Variants in TENM2 observed in about 807,000 individuals in gnomAD.
The protein encoded by TENM2 is teneurin transmembrane protein 2, also known as teneurin-2.
TENM2 carries 52 observed loss-of-function variants against 245.2 expected under a neutral mutation model. The ratio of observed to expected loss-of-function variants is 0.21; its 90% confidence interval spans 0.17 to 0.27. The LOEUF is 0.27. TENM2 is among the 10% of genes least tolerant of loss of function. The probability of loss-of-function intolerance (pLI) is 1.00; values close to 1 mark genes in which losing one functional copy is unlikely to be tolerated. For synonymous variants in TENM2, 1,363 were observed against 1,438.9 expected (o/e 0.95, Z 1.19); for missense variants, 3,046 against 3,666.8 (o/e 0.83, Z 4.37).
At chr5:167,582,784 A>G (rs1222941229) in intron 2 of TENM2, among the ~76,000 whole-genome samples, 1 of 152,172 alleles carries the variant, frequency 6.6e-6, no homozygotes, top group Non-Finnish European at 1.5e-5. Flanking sequence ...TGTTACCAGA[A>G]CAAAAAGGTA....
chr5:167,443,038 T>C (rs1224259521), intron 2 of TENM2, among the ~76,000 whole-genome samples: 1 of 152,208 alleles, frequency 6.6e-6, no homozygotes, highest in Non-Finnish European at 1.5e-5. Context: ...TACAGAAGTT[T>C]GCCAATGCAC....
intron 25 of TENM2, among the ~76,000 whole-genome samples, chr5:168,228,992 CAT>C (rs1278800435): frequency 1.4e-5 from 2 of 146,140 alleles, no homozygotes; most frequent in Admixed American, 6.9e-5. Context: ...ACATAATATA[CAT>C]ATATAATACA....
In TENM2 at chr5:167,878,858, A is replaced by G. The variant is rs73370996; in HGVS notation, c.712+2663A>G. ...GTTGTGTTTAGTTGGTTAATTACAC[A>G]GAATTTTTTAAATTTGTCTCTTGGC... is the stretch of plus-strand genomic sequence containing the variant. On this transcript the variant is annotated intron_variant, in intron 3 of 28. Coordinates refer to ENST00000518659, the Ensembl canonical transcript of TENM2. Among the ~76,000 whole-genome samples the G allele has an allele frequency of 7.0e-3, 1,063 of 152,292 alleles. 17 individuals are homozygous for G. Among genetic ancestry groups the G allele is most frequent in the African/African-American group, 0.024 (1,008 of 41,572 alleles).
At chr5:167,687,048 G>C (rs1757120792) in intron 2 of TENM2, among the ~76,000 whole-genome samples, 1 of 152,080 alleles carries the variant, frequency 6.6e-6, no homozygotes, top group South Asian at 2.1e-4. Context: ...ATTAACAAAA[G>C]GGAATCTAGA....
chr5:167,317,660 C>G (rs1296411165), intron 1 of TENM2, among the ~76,000 whole-genome samples: 2 of 152,160 alleles, frequency 1.3e-5, no homozygotes, highest in Non-Finnish European at 2.9e-5. Context: ...GTAATCAGGC[C>G]ACATTCATCG....
chr5:167,508,069 A>T (rs1769674366), intron 2 of TENM2, among the ~76,000 whole-genome samples: 1 of 152,180 alleles, frequency 6.6e-6, no homozygotes, highest in African/African-American at 2.4e-5. Flanking sequence ...ACATGTGGAA[A>T]CGAAAGGCAG....
At chr5:168,258,475 TG>T (rs1388824375) in intron 27 of TENM2, among the ~76,000 whole-genome samples, 2 of 152,120 alleles carry the variant, frequency 1.3e-5, no homozygotes, top group Admixed American at 6.5e-5. Flanking sequence ...CACTCCAGCC[TG>T]GGTGACAGAG....
intron 2 of TENM2, among the ~76,000 whole-genome samples, chr5:167,378,365 T>C (rs1487351456): frequency 3.8e-5 from 5 of 133,250 alleles, no homozygotes; most frequent in African/African-American, 1.6e-4. Context: ...CTGTCTTTCT[T>C]TTCTTTCTTC....
intron 1 of TENM2, among the ~76,000 whole-genome samples, chr5:167,321,801 T>TTTTTTTGTGGG (rs67957514): frequency 1.4e-4 from 1 of 7,282 alleles, no homozygotes; most frequent in Non-Finnish European, 2.9e-4. Flanking sequence ...TTTTTTTTTT[T>TTTTTTTGTGGG]GGGGGGGGGG....
chr5:168,190,336 G>C lies in TENM2; in HGVS notation c.2570-1G>C. 1 of 1,612,650 alleles carries C rather than the reference G, an allele frequency of 6.2e-7. No homozygotes were observed. Among genetic ancestry groups the C allele is most frequent in the Non-Finnish European group, 8.5e-7 (1 of 1,179,310 alleles). The stretch of plus-strand genomic sequence containing the variant: ...CTCTGGCTCTGCCTCTGCCCTTCCA[G>C]ATGGCCTGGTGGATTGTTTGGACCC... On this transcript the variant is annotated splice_acceptor_variant, in intron 13 of 28. Coordinates refer to ENST00000518659, the Ensembl canonical transcript of TENM2. LOFTEE classifies it high-confidence loss of function.
At chr5:167,918,899 A>C (rs1777148151) in intron 3 of TENM2, among the ~76,000 whole-genome samples, 2 of 151,936 alleles carry the variant, frequency 1.3e-5, no homozygotes, top group Admixed American at 1.3e-4. Context: ...AAATGAGCAT[A>C]ATTTTGGAGA....
chr5:167,501,624 A>G (rs190343222), intron 2 of TENM2, among the ~76,000 whole-genome samples: 8 of 152,176 alleles, frequency 5.3e-5, no homozygotes, highest in Admixed American at 5.2e-4. Context: ...GCCACTTTTC[A>G]CATTACCCAC....
At chr5:167,236,110 A>G in the TENM2 span, among the ~76,000 whole-genome samples, 1 of 152,292 alleles carries the variant, frequency 6.6e-6, no homozygotes, top group South Asian at 2.1e-4. Flanking sequence ...CAACAAAGGA[A>G]GTACTGTGTA....
At chr5:167,583,616 G>A (rs1276848638) in intron 2 of TENM2, among the ~76,000 whole-genome samples, 1 of 152,078 alleles carries the variant, frequency 6.6e-6, no homozygotes, top group Non-Finnish European at 1.5e-5. Flanking sequence ...AGTACCACAA[G>A]ATTCCCAGTA....
At chr5:167,785,941 C>A (rs956633196) in intron 2 of TENM2, among the ~76,000 whole-genome samples, 10 of 152,086 alleles carry the variant, frequency 6.6e-5, no homozygotes, top group Non-Finnish European at 7.4e-5. Flanking sequence ...GGAAAAATAG[C>A]CAAATGAAAC....
chr5:168,226,066 CT>C, intron 23 of TENM2, 21 bp from the exon 26 acceptor site: 1 of 1,546,318 alleles, frequency 6.5e-7, no homozygotes, highest in South Asian at 1.2e-5. Flanking sequence ...CAGGGTTTAT[CT>C]ATCTATCTAT....
At chr5:167,535,162 A>C (rs1259040492) in intron 2 of TENM2, among the ~76,000 whole-genome samples, 1 of 151,948 alleles carries the variant, frequency 6.6e-6, no homozygotes, top group African/African-American at 2.4e-5. Flanking sequence ...CAGGGTACAC[A>C]ACATAAGTTA....
intron 1 of TENM2, among the ~76,000 whole-genome samples, chr5:167,331,091 C>T (rs552365746): frequency 1.1e-4 from 17 of 151,780 alleles, no homozygotes; most frequent in Non-Finnish European, 1.9e-4. Context: ...CAAAAATTAG[C>T]TGGGCATGGT....
intron 3 of TENM2, among the ~76,000 whole-genome samples, chr5:167,901,919 T>C (rs1775736362): frequency 6.6e-6 from 1 of 152,228 alleles, no homozygotes. Context: ...AGGCAATTAA[T>C]CTTTTTATAA....
Sources: gnomAD v4.1 joint callset for allele counts (sites outside exome capture counted in the v4.1 genomes callset) on GRCh38, gnomAD v4.1.1 for gene constraint, MANE v1.5 for transcripts, NCBI Gene and HGNC (gene_info 2026-07-23, HGNC 2026-07-21) for gene names.